Variants in SLC38A1 observed in about 807,000 individuals in gnomAD.
SLC38A1 encodes the protein solute carrier family 38 member 1, also known as sodium-coupled neutral amino acid symporter 1.
In SLC38A1, 18 loss-of-function variants were observed where a neutral mutation model predicts 60.3. The ratio of observed to expected loss-of-function variants is 0.30; its 90% CI spans 0.21 to 0.44. SLC38A1 has a LOEUF of 0.44. Among genes scored for constraint, SLC38A1 ranks in the 20% least tolerant of loss-of-function variants. The pLI, the probability that SLC38A1 is intolerant of heterozygous loss-of-function variation, is 1.00. For missense variants in SLC38A1, 448 were observed against 587.2 expected (o/e 0.76, Z 2.45); for synonymous variants, 196 against 212.1 (o/e 0.92, Z 0.66).
At chr12:46,208,995 T>G in intron 6 of SLC38A1, 59 bp downstream of exon 6, 1 of 1,181,110 alleles carries the variant, frequency 8.5e-7, no homozygotes, top group Non-Finnish European at 1.3e-6. Flanking sequence ...TGTTCCACAA[T>G]GCTACCATAA....
chr12:46,256,241 G>C (rs138762521), intron 1 of SLC38A1, among the ~76,000 whole-genome samples: 1,903 of 150,744 alleles, frequency 0.013, 21 homozygotes, highest in Non-Finnish European at 0.022. Flanking sequence ...TATCTGACCT[G>C]CATAATTTAG....
At chr12:46,210,737 A>G (rs556204721) in intron 5 of SLC38A1, among the ~76,000 whole-genome samples, 37 of 152,190 alleles carry the variant, frequency 2.4e-4, no homozygotes, top group Non-Finnish European at 4.3e-4. Context: ...TTGTCTCTCA[A>G]TTCTCTCTTG....
intron 3 of SLC38A1, among the ~76,000 whole-genome samples, chr12:46,236,412 A>C (rs1941261613): frequency 6.6e-6 from 1 of 152,194 alleles, no homozygotes. Context: ...CTTAACCTAC[A>C]GATAATAGTG....
chr12:46,201,015 T>C, intron 13 of SLC38A1, 83 bp downstream of exon 13: 1 of 1,012,232 alleles, frequency 9.9e-7, no homozygotes, highest in Non-Finnish European at 1.5e-6. Context: ...TCTTTGCCTT[T>C]CATGTTAAAA....
At chr12:46,218,424 G>A (rs1160798556) in intron 5 of SLC38A1, among the ~76,000 whole-genome samples, 2 of 152,086 alleles carry the variant, frequency 1.3e-5, no homozygotes, top group East Asian at 1.9e-4. Flanking sequence ...CCGGTAGAAA[G>A]GTGGATTGGG....
intron 3 of SLC38A1, among the ~76,000 whole-genome samples, chr12:46,235,448 A>G (rs966072568): frequency 6.6e-6 from 1 of 152,212 alleles, no homozygotes; most frequent in Admixed American, 6.5e-5. Context: ...GGAAAACATG[A>G]AAAGGGAGAA....
chr12:46,263,767 G>A (rs953121010), intron 1 of SLC38A1, among the ~76,000 whole-genome samples: 3 of 152,178 alleles, frequency 2.0e-5, no homozygotes, highest in Admixed American at 6.5e-5. Context: ...TCACTGGACA[G>A]GCGTCTATGC....
rs771529562 is a variant in SLC38A1 at position 46,204,379 on chromosome 12, T to C, written c.744A>G (p.Pro248=). The C allele has an allele frequency of 6.2e-7, 1 of 1,613,740 alleles. No homozygotes were observed. Among genetic ancestry groups the C allele is most frequent in the South Asian group, 1.1e-5 (1 of 91,074 alleles). The change falls in exon 11 of 17, where the codon CCA becomes CCG. Residue 248 remains proline, a synonymous_variant. Coordinates refer to ENST00000398637, the MANE Select transcript of SLC38A1 (RefSeq NM_030674.4). ...TAGCACTTATTGTTGAATTTAGCTC[T>C]GGAACAATGCAGGGAATTTGAAATT... ...YKKFQIPCIV[P]ELNSTISANS... is the part of the protein sequence containing the mutation.
At chr12:46,213,798 C>T (rs138741173) in intron 5 of SLC38A1, among the ~76,000 whole-genome samples, 1 of 152,322 alleles carries the variant, frequency 6.6e-6, no homozygotes, top group East Asian at 1.9e-4. Context: ...TATGTGTCTC[C>T]ATCACTAGAC....
rs942185503 is a variant in SLC38A1, at chr12:46,186,398, T to C, written c.*2572A>G. The C allele has an allele frequency of 5.9e-5, 9 of 152,344 alleles. No individual in the cohort carries two copies. The highest frequency in any genetic ancestry group is 5.9e-4 in the Admixed American group (9 of 15,298). 9.4% of individuals were successfully genotyped at this position (152,344 alleles called of 1,614,324 possible). A position where few individuals can be genotyped will look rare whatever the true frequency, so the allele number is the denominator to read the frequency against. ...CGTGCTGCTCCCCATGCCTAGGGTA[T>C]AGTATTCTTTAATCTACTAATTTAG... On this transcript the variant is annotated 3_prime_UTR_variant, in exon 17 of 17. Transcript: ENST00000398637.
At chr12:46,191,748 G>A (rs867781542) in intron 16 of SLC38A1, among the ~76,000 whole-genome samples, 2 of 152,082 alleles carry the variant, frequency 1.3e-5, no homozygotes, top group African/African-American at 4.8e-5. Flanking sequence ...TTGGTGTATA[G>A]GAATGGTTGT....
chr12:46,195,997 C>T (rs1475864674), intron 16 of SLC38A1: 7 of 707,846 alleles, frequency 9.9e-6, no homozygotes, highest in Non-Finnish European at 1.6e-5. Flanking sequence ...AACCAGGTAC[C>T]TCAGTTGGAA....
At chr12:46,244,543 G>T (rs1283377463) in intron 1 of SLC38A1, among the ~76,000 whole-genome samples, 1 of 152,204 alleles carries the variant, frequency 6.6e-6, no homozygotes, top group Non-Finnish European at 1.5e-5. Flanking sequence ...ATTCTAGCAG[G>T]TGCTGCAGCA....
intron 8 of SLC38A1, among the ~76,000 whole-genome samples, chr12:46,206,667 C>A (rs572938819): frequency 1.6e-4 from 25 of 152,232 alleles, no homozygotes; most frequent in African/African-American, 5.5e-4. Flanking sequence ...CTAAGACTGA[C>A]AAGAACTGTT....
At chr12:46,207,789 A>T (rs1274137090) in intron 6 of SLC38A1, among the ~76,000 whole-genome samples, 168 bp from the exon 7 acceptor site, 1 of 152,234 alleles carries the variant, frequency 6.6e-6, no homozygotes, top group Admixed American at 6.5e-5. Context: ...CTCATTACAA[A>T]ACAAATTCTT....
At chr12:46,193,045 C>G (rs1292598962) in intron 16 of SLC38A1, among the ~76,000 whole-genome samples, 1 of 152,068 alleles carries the variant, frequency 6.6e-6, no homozygotes, top group Non-Finnish European at 1.5e-5. Context: ...TTTAGATCTT[C>G]CTTGCTTTCT....
rs753948429 is a variant in SLC38A1, at chr12:46,201,143, C to T, written c.958G>A (p.Val320Ile). Reference sequence around the variant, plus strand: ...AAAATGGCAGTCAAGAAGTACATAACAAACATGGCGAAAAAGGAGATGTTT... The same window carrying T: ...AAAATGGCAGTCAAGAAGTACATAATAAACATGGCGAAAAAGGAGATGTTT... ...VSNISFFAMFVMYFLTAIFGY... is the reference protein window; with the variant it reads ...VSNISFFAMFIMYFLTAIFGY... Residue 320 changes from valine (V) to isoleucine (I), a missense_variant, in exon 13 of 17, where the codon GTT becomes ATT. Physicochemically the swap from Val to Ile is conservative, Grantham distance 29 (BLOSUM62 3). Transcript: ENST00000398637. 1 of 1,613,288 alleles carries T rather than the reference C, an allele frequency of 6.2e-7. No homozygotes were observed. The highest frequency in any genetic ancestry group is 1.3e-5 in the African/African-American group (1 of 74,910).
At chr12:46,233,379 T>G (rs1941147284) in intron 3 of SLC38A1, among the ~76,000 whole-genome samples, 1 of 152,230 alleles carries the variant, frequency 6.6e-6, no homozygotes, top group African/African-American at 2.4e-5. Flanking sequence ...CCAGCAGTTT[T>G]CCTTTGCCTT....
rs528705503 is a variant in SLC38A1 at position 46,243,500 on chromosome 12, A to G, written c.-208-186T>C. Among the ~76,000 whole-genome samples, 57 of 152,310 alleles carry G rather than the reference A, an allele frequency of 3.7e-4. 1 individual carries two copies. The Middle Eastern group carries it at 0.024, about 64-fold the overall frequency. ...TGATACTTGGTTAACTCTGCCAGAA[A>G]TTGACATCTAACTGGTTATTGCTGG... On this transcript the variant is annotated intron_variant, in intron 1 of 16. Transcript: ENST00000398637.
Sources: gnomAD v4.1 joint callset for allele counts (sites outside exome capture counted in the v4.1 genomes callset) on GRCh38, gnomAD v4.1.1 for gene constraint, MANE v1.5 for transcripts, NCBI Gene and HGNC (gene_info 2026-07-23, HGNC 2026-07-21) for gene names.